Variants in PDLIM5 observed in about 807,000 individuals in gnomAD.
PDLIM5 encodes PDZ and LIM domain 5, also known as PDZ and LIM domain protein 5.
PDLIM5 carries 34 observed loss-of-function variants against 64.2 expected under a neutral mutation model. The ratio of observed to expected loss-of-function variants is 0.53; its 90% CI spans 0.40 to 0.71. The LOEUF (loss-of-function observed/expected upper bound fraction) is 0.71. Ranked by LOEUF, PDLIM5 falls within the 30% of genes least tolerant of loss-of-function variation. The probability of loss-of-function intolerance (pLI) is 0.00; values close to 1 mark genes in which losing one functional copy is unlikely to be tolerated. For synonymous variants in PDLIM5, 253 were observed against 269.1 expected, an observed-to-expected ratio of 0.94 and a Z score of 0.59; for missense variants, 683 against 733.6, an observed-to-expected ratio of 0.93 and a Z score of 0.80.
chr4:94,573,926 A>G (rs1416918539), intron 4 of PDLIM5, among the ~76,000 whole-genome samples: 1 of 152,118 alleles, frequency 6.6e-6, no homozygotes, highest in Non-Finnish European at 1.5e-5. Flanking sequence ...TGAACTACTT[A>G]TTATACAGAT....
At chr4:94,501,789 A>G (rs1386601775) in intron 2 of PDLIM5, among the ~76,000 whole-genome samples, 3 of 152,142 alleles carry the variant, frequency 2.0e-5, no homozygotes, top group Non-Finnish European at 4.4e-5. Flanking sequence ...TCAGAGATAG[A>G]CTTCCATCAT....
chr4:94,575,779 CA>C lies in PDLIM5; in HGVS notation c.456del (p.Ala153ProfsTer42). 1.2e-6 allele frequency: 2 copies of C among 1,614,112 alleles called. No individual in the cohort carries two copies. The highest frequency in any genetic ancestry group is 2.7e-5 in the African/African-American group (2 of 75,016). ...CCATCACCATCGTCTGCCTTCACCC[CA>C]GCCCATGCGACCACCTCATCACATG... Reference protein sequence around the residue: ...SIPSPSSAFTPAHATTSSHAS... With the variant: ...SIPSPSSAFTXAHATTSSHAS... On this transcript the variant is annotated frameshift_variant, in exon 5 of 13. Coordinates refer to ENST00000317968, the MANE Select transcript of PDLIM5 (RefSeq NM_006457.5). LOFTEE classifies it high-confidence loss of function.
chr4:94,640,027 TA>T lies in PDLIM5; in HGVS notation c.1109-234del, dbSNP rs759965302. On this transcript the variant is annotated intron_variant, in intron 8 of 12. Coordinates refer to ENST00000317968, the MANE Select transcript of PDLIM5 (RefSeq NM_006457.5). Reference sequence around the variant, plus strand: ...GGGCAACAAGAGCGAAACTCTGTCTTAAAAAAAAAAAAAAATTCTATGCATA... The same window carrying T: ...GGGCAACAAGAGCGAAACTCTGTCTTAAAAAAAAAAAAAATTCTATGCATA... Among the ~76,000 whole-genome samples, 627 of 142,564 alleles carry T rather than the reference TA, an allele frequency of 4.4e-3. 2 individuals carry two copies. The highest frequency in any genetic ancestry group is 5.4e-3 in the Admixed American group (77 of 14,238). The allele number at this position is 142,564 out of a possible 152,430, so 93.5% of individuals were successfully genotyped here.
intron 8 of PDLIM5, among the ~76,000 whole-genome samples, chr4:94,634,296 G>A (rs1740385171): frequency 6.6e-6 from 1 of 152,172 alleles, no homozygotes; most frequent in Non-Finnish European, 1.5e-5. Flanking sequence ...CTTGGACCAA[G>A]ATGTACTATG....
intron 4 of PDLIM5, 64 bp downstream of exon 4, chr4:94,573,457 C>G: frequency 8.5e-7 from 1 of 1,180,036 alleles, no homozygotes; most frequent in Non-Finnish European, 1.3e-6. Context: ...CTGTAATTCC[C>G]ATTACTGTCT....
intron 2 of PDLIM5, among the ~76,000 whole-genome samples, chr4:94,474,351 A>G (rs1400104639): frequency 6.6e-6 from 1 of 152,064 alleles, no homozygotes; most frequent in African/African-American, 2.4e-5. Context: ...CCTGGGTTCA[A>G]GTGATTCTTC....
rs1742056903 is a variant in PDLIM5, at chr4:94,654,361, G to A, written c.1284-99G>A. 10 of 764,274 alleles carry A rather than the reference G, an allele frequency of 1.3e-5. No individual in the cohort carries two copies. In the South Asian group the frequency reaches 1.5e-4, roughly 12 times the overall value. 47.3% of individuals were successfully genotyped at this position (764,274 alleles called of 1,614,324 possible). A position where few individuals can be genotyped will look rare whatever the true frequency, so the allele number is the denominator to read the frequency against. On this transcript the variant is annotated intron_variant, in intron 9 of 12. Transcript: ENST00000317968. ...GTCCTTAAGAAGGAAAATTGAGCAA[G>A]TATTTAATTGGTTGGACATTGCATA...
At position 94,536,940 on chromosome 4, in the gene PDLIM5, G is replaced by C. The variant is rs143854636; in HGVS notation, c.248+13065G>C. Among the ~76,000 whole-genome samples the C allele has an allele frequency of 8.1e-3, 1,234 of 152,272 alleles. 12 individuals are homozygous for C. Among genetic ancestry groups the C allele is most frequent in the African/African-American group, 0.028 (1,160 of 41,570 alleles). The stretch of plus-strand genomic sequence containing the variant: ...GATTGGCCATGCAAAACACGGCAGA[G>C]TATTTACACTGTCAAATTCTTTTGT... On this transcript the variant is annotated intron_variant, in intron 3 of 12. Coordinates refer to ENST00000317968, the MANE Select transcript of PDLIM5 (RefSeq NM_006457.5).
At chr4:94,589,722 C>CTCTT (rs772620978) in intron 7 of PDLIM5, among the ~76,000 whole-genome samples, 47 of 141,114 alleles carry the variant, frequency 3.3e-4, no homozygotes, top group African/African-American at 1.0e-3. Context: ...TTCTCTCTTT[C>CTCTT]TCTTTCTTTC....
In PDLIM5 at chr4:94,509,533, G is replaced by T. The variant is rs1459194587; in HGVS notation, c.97-14191G>T. Among the ~76,000 whole-genome samples, 4 of 152,150 alleles carry T rather than the reference G, an allele frequency of 2.6e-5. No individual in the cohort carries two copies. The East Asian group carries it at 7.7e-4, about 29-fold the overall frequency. On this transcript the variant is annotated intron_variant, in intron 2 of 12. Coordinates refer to ENST00000317968, the MANE Select transcript of PDLIM5 (RefSeq NM_006457.5). The stretch of plus-strand genomic sequence containing the variant: ...CTTAGCAAGTATTTGTTGAATGATA[G>T]AATGAATGAATATTTTATTTCTCCA...
intron 3 of PDLIM5, among the ~76,000 whole-genome samples, chr4:94,543,283 GT>G (rs566166145): frequency 3.0e-4 from 45 of 149,332 alleles, no homozygotes; most frequent in African/African-American, 8.4e-4. Context: ...ACTGTTGTCA[GT>G]TTTTTTTTTA....
At chr4:94,604,321 GC>G (rs1449005880) in intron 7 of PDLIM5, among the ~76,000 whole-genome samples, 1 of 152,142 alleles carries the variant, frequency 6.6e-6, no homozygotes, top group African/African-American at 2.4e-5. Context: ...TTCGGGTCAG[GC>G]TTAGGAGGTA....
chr4:94,623,719 T>C (rs536072369), intron 8 of PDLIM5, among the ~76,000 whole-genome samples: 1 of 152,198 alleles, frequency 6.6e-6, no homozygotes, highest in African/African-American at 2.4e-5. Context: ...ATTTAGGACA[T>C]CATACGATCT....
At chr4:94,490,115 C>A (rs1726730429) in intron 2 of PDLIM5, among the ~76,000 whole-genome samples, 2 of 150,972 alleles carry the variant, frequency 1.3e-5, no homozygotes, top group Non-Finnish European at 1.5e-5. Context: ...AATAAAAAAT[C>A]AAATATGAAC....
chr4:94,656,558 A>C (rs1032931876), intron 10 of PDLIM5, among the ~76,000 whole-genome samples: 1 of 149,382 alleles, frequency 6.7e-6, no homozygotes, highest in Non-Finnish European at 1.5e-5. Context: ...ATTTTATTAC[A>C]TTATATACAT....
intron 7 of PDLIM5, among the ~76,000 whole-genome samples, chr4:94,604,730 G>T (rs1391960129): frequency 6.6e-6 from 1 of 152,166 alleles, no homozygotes; most frequent in Admixed American, 6.5e-5. Context: ...TGTTCAATGG[G>T]TATAGAGTTT....
At chr4:94,559,138 T>G (rs1450890241) in intron 3 of PDLIM5, among the ~76,000 whole-genome samples, 1 of 152,238 alleles carries the variant, frequency 6.6e-6, no homozygotes, top group African/African-American at 2.4e-5. Flanking sequence ...GATATTATTA[T>G]GATTCTTTGA....
chr4:94,606,817 T>C (rs1313608800), intron 7 of PDLIM5, among the ~76,000 whole-genome samples: 3 of 152,340 alleles, frequency 2.0e-5, no homozygotes, highest in African/African-American at 7.2e-5. Flanking sequence ...AAAGTAGCCA[T>C]AGACATATGA....
intron 2 of PDLIM5, among the ~76,000 whole-genome samples, chr4:94,459,677 C>G (rs899740103): frequency 1.6e-4 from 24 of 152,204 alleles, no homozygotes; most frequent in Non-Finnish European, 2.6e-4. Context: ...AGACCTGTCA[C>G]AAGTCAATAT....
Sources: allele counts gnomAD v4.1 joint callset (sites outside exome capture counted in the v4.1 genomes callset), GRCh38; gene constraint gnomAD v4.1.1; transcripts MANE v1.5; gene names NCBI Gene and HGNC (gene_info 2026-07-23, HGNC 2026-07-21).